Variants in HECTD4 observed in about 807,000 individuals in gnomAD.
HECTD4 encodes the protein probable E3 ubiquitin-protein ligase HECTD4.
HECTD4 carries 114 observed loss-of-function variants against 471.5 expected under a neutral mutation model. The observed-to-expected ratio is 0.24, with a 90% CI of 0.21 to 0.28. The LOEUF (loss-of-function observed/expected upper bound fraction) is 0.28, where lower values mean the gene tolerates loss of function less well. Ranked by LOEUF, HECTD4 falls within the 10% of genes least tolerant of loss-of-function variation. The probability of loss-of-function intolerance (pLI) is 1.00; values close to 1 mark genes in which losing one functional copy is unlikely to be tolerated. For synonymous variants in HECTD4, 2,012 were observed against 2,256.0 expected (o/e 0.89, Z 3.07); for missense variants, 3,866 against 5,651.5 (o/e 0.68, Z 10.13).
At chr12:112,227,075 C>A (rs533052567) in intron 43 of HECTD4, among the ~76,000 whole-genome samples, 1 of 152,258 alleles carries the variant, frequency 6.6e-6, no homozygotes, top group East Asian at 1.9e-4. Flanking sequence ...CTAACTTTGC[C>A]CTAGGGAAGC....
At chr12:112,307,052 T>C (rs915879692) in intron 6 of HECTD4, among the ~76,000 whole-genome samples, 3 of 151,946 alleles carry the variant, frequency 2.0e-5, no homozygotes, top group African/African-American at 7.3e-5. Context: ...CACAAAAACC[T>C]GCTGGCTAGG....
At chr12:112,360,187 C>A (rs958219316) in intron 1 of HECTD4, among the ~76,000 whole-genome samples, 1 of 152,162 alleles carries the variant, frequency 6.6e-6, no homozygotes, top group Non-Finnish European at 1.5e-5. Context: ...GGGGCAGTAG[C>A]ATGCACCTAT....
chr12:112,245,452 C>G (rs913315503), intron 29 of HECTD4, among the ~76,000 whole-genome samples: 1 of 152,162 alleles, frequency 6.6e-6, no homozygotes, highest in Admixed American at 6.5e-5. Context: ...ATATACAGGA[C>G]CTTTAACAAG....
At chr12:112,286,736 T>A (rs2034763083) in intron 7 of HECTD4, among the ~76,000 whole-genome samples, 1 of 152,164 alleles carries the variant, frequency 6.6e-6, no homozygotes, top group African/African-American at 2.4e-5. Flanking sequence ...TCTTCCCTCA[T>A]TTAAAACCCT....
chr12:112,175,070 C>T (rs945383886), intron 66 of HECTD4, among the ~76,000 whole-genome samples: 3 of 152,262 alleles, frequency 2.0e-5, no homozygotes, highest in East Asian at 1.9e-4. Flanking sequence ...TGGGAAGGAG[C>T]GAGGGCAATG....
chr12:112,324,107 C>CTCTCTTTCTTTCTT (rs142562901), intron 1 of HECTD4, among the ~76,000 whole-genome samples: 26 of 72,908 alleles, frequency 3.6e-4, no homozygotes, highest in East Asian at 9.4e-4. Context: ...TCTTTCCTCT[C>CTCTCTTTCTTTCTT]TCTCTTTCTT....
Position 112,243,437 on chromosome 12 carries a change from C to T in HECTD4, c.4874G>A (p.Arg1625Gln). 2.5e-6 allele frequency: 4 copies of T among 1,611,286 alleles called. No homozygotes were observed. The highest frequency in any genetic ancestry group is 1.1e-5 in the South Asian group (1 of 90,404). Reference protein sequence around the residue: ...NTRKQALVHMRELLTAAVRVG... With the variant: ...NTRKQALVHMQELLTAAVRVG... Reference sequence around the variant, plus strand: ...TCGTACGGCAGCTGTCAGCAATTCCCGCATGTGCACCAGTGCCTGCTTGCG... The same window carrying T: ...TCGTACGGCAGCTGTCAGCAATTCCTGCATGTGCACCAGTGCCTGCTTGCG... Residue 1625 changes from arginine (R) to glutamine (Q), a missense_variant, in exon 32 of 76, where the codon CGG becomes CAG. Transcript: ENST00000682272. This position sits in a 1 kb window ranked among gnomAD's most constrained non-coding sequence, Gnocchi z 6.6.
rs2033308892 is a variant in HECTD4 at position 112,228,960 on chromosome 12, A to G, written c.6520-149T>C. The G allele has an allele frequency of 5.3e-6, 4 of 755,428 alleles. No individual in the cohort carries two copies. The highest frequency in any genetic ancestry group is 8.8e-6 in the Non-Finnish European group (4 of 455,190). The allele number at this position is 755,428 out of a possible 1,614,324, so 46.8% of individuals were successfully genotyped here. A position where few individuals can be genotyped will look rare whatever the true frequency, so the allele number is the denominator to read the frequency against. Reference sequence around the variant, plus strand: ...ACTAGGGTAGCAGATACCAAGCCCTAGACATGACTTATAATAGGCCCTAAA... The same window carrying G: ...ACTAGGGTAGCAGATACCAAGCCCTGGACATGACTTATAATAGGCCCTAAA... On this transcript the variant is annotated intron_variant, in intron 41 of 75. Transcript: ENST00000682272. This position sits in a 1 kb window ranked among gnomAD's most constrained non-coding sequence, Gnocchi z 4.9.
intron 6 of HECTD4, among the ~76,000 whole-genome samples, chr12:112,307,460 G>A (rs2035289907): frequency 6.6e-6 from 1 of 152,236 alleles, no homozygotes; most frequent in South Asian, 2.1e-4. Context: ...GAGGAACCTG[G>A]CACTACTTCA....
chr12:112,232,380 T>C (rs1489266724), intron 38 of HECTD4, among the ~76,000 whole-genome samples: 2 of 152,214 alleles, frequency 1.3e-5, no homozygotes, highest in African/African-American at 4.8e-5. Flanking sequence ...TCCACCTGCC[T>C]TGGTGTCTCA....
chr12:112,301,638 TTTC>T (rs1476053774), intron 7 of HECTD4, among the ~76,000 whole-genome samples: 2 of 152,342 alleles, frequency 1.3e-5, no homozygotes, highest in South Asian at 4.1e-4. Flanking sequence ...TTCTGAAATA[TTTC>T]TTAACTCTTT....
intron 44 of HECTD4, 151 bp downstream of exon 44, chr12:112,226,492 T>C (rs1593951487): frequency 2.1e-6 from 1 of 470,530 alleles, no homozygotes; most frequent in South Asian, 5.2e-5. Context: ...TTTCTAGGTC[T>C]GTGATGCACG....
At chr12:112,282,025 T>C (rs563824503) in intron 8 of HECTD4, among the ~76,000 whole-genome samples, 92 of 152,146 alleles carry the variant, frequency 6.0e-4, no homozygotes, top group South Asian at 4.8e-3. Flanking sequence ...ATCTAAAACT[T>C]TGAGGGAGTA....
intron 68 of HECTD4, 79 bp downstream of exon 68, chr12:112,171,038 C>T (rs766560667): frequency 7.8e-7 from 1 of 1,285,768 alleles, no homozygotes; most frequent in South Asian, 1.4e-5. Context: ...CCCAAGGACG[C>T]TGCCCGTGGA....
chr12:112,164,417 C>T (rs1433933004), intron 72 of HECTD4, 142 bp from the exon 73 acceptor site: 4 of 830,212 alleles, frequency 4.8e-6, no homozygotes, highest in Non-Finnish European at 7.4e-6. Flanking sequence ...CAGCTTTCGC[C>T]AATCAGAACC....
At chr12:112,282,566 G>T (rs1246099927) in intron 8 of HECTD4, among the ~76,000 whole-genome samples, 1 of 152,128 alleles carries the variant, frequency 6.6e-6, no homozygotes, top group Non-Finnish European at 1.5e-5. Context: ...AGTTACCTGT[G>T]GTGGGGTAGG....
chr12:112,162,586 TG>T lies in HECTD4; in HGVS notation c.13121-64del. ...ACATCTGTGAGGCTCCCAGGGAAGC[TG>T]GGCTGGCCTCTGCTTCCAGGTTTGC... is the stretch of plus-strand genomic sequence containing the variant. On this transcript the variant is annotated intron_variant, in intron 75 of 75. Coordinates refer to ENST00000682272, the MANE Select transcript of HECTD4 (RefSeq NM_001388303.1). The surrounding 1 kb of genome is among the most constrained non-coding windows in gnomAD (Gnocchi z 5.2). The T allele has an allele frequency of 6.2e-7, 1 of 1,602,292 alleles. No homozygotes were observed.
rs551836865 is a variant in HECTD4, at chr12:112,177,030, A to C, written c.11364-328T>G. On this transcript the variant is annotated intron_variant, in intron 64 of 75. Transcript: ENST00000682272. ...CTAAGGTTAATTAAAATGAAATATA[A>C]TCACAAATTCAGTTCCTGTTCACCC... Among the ~76,000 whole-genome samples the C allele has an allele frequency of 3.3e-5, 5 of 152,332 alleles. No individual in the cohort carries two copies. In the East Asian group the frequency reaches 7.7e-4, roughly 24 times the overall value.
At chr12:112,281,813 T>C (rs1455392546) in intron 8 of HECTD4, among the ~76,000 whole-genome samples, 1 of 152,240 alleles carries the variant, frequency 6.6e-6, no homozygotes, top group South Asian at 2.1e-4. Flanking sequence ...ATTCATTAAA[T>C]GCATATTAAT....
Sources: gnomAD v4.1 joint callset for allele counts (sites outside exome capture counted in the v4.1 genomes callset) on GRCh38, gnomAD v4.1.1 for gene constraint, Gnocchi (gnomAD v3.1) non-coding constraint, MANE v1.5 for transcripts, NCBI Gene and HGNC (gene_info 2026-07-23, HGNC 2026-07-21) for gene names.